The following GRIP1 variants were observed in gnomAD, a reference collection of about 807,000 sequenced individuals.
The protein encoded by GRIP1 is glutamate receptor interacting protein 1.
A neutral mutation model predicts 129.9 loss-of-function variants in GRIP1; 45 were observed. The observed-to-expected ratio is 0.35, with a 90% CI of 0.27 to 0.44. GRIP1 has a LOEUF of 0.44. Ranked by LOEUF, GRIP1 falls within the 20% of genes least tolerant of loss-of-function variation. GRIP1 has a pLI of 1.00. For synonymous variants in GRIP1, 530 were observed against 520.8 expected (o/e 1.02, Z -0.24); for missense variants, 1,196 against 1,396.8 (o/e 0.86, Z 2.29).
chr12:66,820,024 C>T (rs2039290510), intron 1 of GRIP1, among the ~76,000 whole-genome samples: 1 of 152,174 alleles, frequency 6.6e-6, no homozygotes, highest in Admixed American at 6.5e-5. Context: ...CTTTAGTGAG[C>T]TTTACCTCCT....
At chr12:66,451,335 T>A (rs1350774241) in intron 11 of GRIP1, among the ~76,000 whole-genome samples, 3 of 141,450 alleles carry the variant, frequency 2.1e-5, no homozygotes, top group Non-Finnish European at 4.5e-5. Flanking sequence ...GAGAAGCATT[T>A]AAAAAATATA....
intron 1 of GRIP1, among the ~76,000 whole-genome samples, chr12:67,028,136 T>G (rs952159803): frequency 1.3e-5 from 2 of 152,192 alleles, no homozygotes; most frequent in Admixed American, 1.3e-4. Flanking sequence ...TCCTTCAATC[T>G]GGATCCACTG....
chr12:66,539,099 C>G lies in GRIP1; in HGVS notation c.397G>C (p.Glu133Gln). The change falls in exon 4 of 25, where the codon GAG becomes CAG. Residue 133 changes from glutamate to glutamine, a missense_variant. Transcript: ENST00000359742. The part of the protein sequence containing the change: ...NVGERVVLEV[E>Q]YELPPVSVQG... ...TTACAGACCGGTGGAAGCTCGTACT[C>G]TACTTCAAGAACCACTCTTTCTCCC... 1 of 1,614,014 alleles carries G rather than the reference C, an allele frequency of 6.2e-7. No homozygotes were observed. Among genetic ancestry groups the G allele is most frequent in the African/African-American group, 1.3e-5 (1 of 75,026 alleles).
At chr12:66,577,244 G>A (rs7135418) in intron 2 of GRIP1, among the ~76,000 whole-genome samples, 37,244 of 152,076 alleles carry the variant, frequency 0.24, 4,696 homozygotes, top group Admixed American at 0.28. Flanking sequence ...AGAAGAGCCA[G>A]TGGGTAGCGG....
intron 24 of GRIP1, among the ~76,000 whole-genome samples, chr12:66,350,983 T>C (rs2054196840): frequency 6.6e-6 from 1 of 152,210 alleles, no homozygotes. Flanking sequence ...AGAGTAGAGC[T>C]AGCTCTATTT....
At chr12:66,826,799 G>A (rs574894390) in intron 1 of GRIP1, among the ~76,000 whole-genome samples, 11 of 148,490 alleles carry the variant, frequency 7.4e-5, no homozygotes, top group African/African-American at 2.9e-4. Context: ...TGGAGTGAAG[G>A]CAGGAAGAAT....
At chr12:66,356,785 G>T (rs2054509975) in intron 23 of GRIP1, among the ~76,000 whole-genome samples, 1 of 152,092 alleles carries the variant, frequency 6.6e-6, no homozygotes, top group Non-Finnish European at 1.5e-5. Context: ...TTAATTCACT[G>T]GCAACAGCAA....
At chr12:66,692,237 G>A (rs1411772024) in intron 1 of GRIP1, among the ~76,000 whole-genome samples, 1 of 152,192 alleles carries the variant, frequency 6.6e-6, no homozygotes, top group Non-Finnish European at 1.5e-5. Context: ...TGCAGCTGCA[G>A]ATTAAAGTCA....
At chr12:66,683,634 A>G (rs1184110181), upstream of GRIP1, among the ~76,000 whole-genome samples, 1 of 152,180 alleles carries the variant, frequency 6.6e-6, no homozygotes, top group African/African-American at 2.4e-5. Context: ...TGTGATATAA[A>G]AGGGTGGGTA....
chr12:66,455,665 T>C (rs1477144646), intron 10 of GRIP1, 101 bp from the exon 11 acceptor site: 7 of 1,063,860 alleles, frequency 6.6e-6, no homozygotes, highest in Non-Finnish European at 1.0e-5. Context: ...ACATGATGCA[T>C]AGCAATGGCT....
intron 7 of GRIP1, among the ~76,000 whole-genome samples, chr12:66,489,260 CA>C (rs1243876181): frequency 6.6e-6 from 1 of 152,080 alleles, no homozygotes; most frequent in Non-Finnish European, 1.5e-5. Context: ...AGCAGCACAC[CA>C]AAAGGCTTAT....
intron 7 of GRIP1, among the ~76,000 whole-genome samples, chr12:66,477,584 C>T (rs1342297703): frequency 1.3e-5 from 2 of 151,952 alleles, no homozygotes; most frequent in Non-Finnish European, 2.9e-5. Flanking sequence ...AATCCTAAGC[C>T]AAAAGAACAA....
At chr12:66,367,802 G>C (rs1057402476) in intron 23 of GRIP1, among the ~76,000 whole-genome samples, 9 of 152,172 alleles carry the variant, frequency 5.9e-5, no homozygotes, top group Non-Finnish European at 1.3e-4. Flanking sequence ...GTGGCCTAAA[G>C]GGACATGAAG....
intron 1 of GRIP1, among the ~76,000 whole-genome samples, chr12:67,067,617 A>C (rs2043652072): frequency 6.6e-6 from 1 of 152,204 alleles, no homozygotes; most frequent in Admixed American, 6.5e-5. Flanking sequence ...TCTAATAAGG[A>C]GGTGCTTAAA....
At position 66,620,791 on chromosome 12, in the gene GRIP1, C is replaced by G. The variant is rs561193188; in HGVS notation, c.56-23864G>C. ...CCTCACCCCCCCAACCCCTCCCCCC[C>G]AGACTTTTAATGGCCAGGGGAGGAG... On this transcript the variant is annotated intron_variant, in intron 1 of 24. Coordinates refer to ENST00000359742, the MANE Select transcript of GRIP1 (RefSeq NM_001366722.1). 9.6e-3 allele frequency among the ~76,000 whole-genome samples: 1,453 copies of G among 152,064 alleles called. 31 individuals carry two copies. Among genetic ancestry groups the G allele is most frequent in the African/African-American group, 0.034 (1,403 of 41,474 alleles).
intron 1 of GRIP1, among the ~76,000 whole-genome samples, chr12:66,792,395 C>G (rs1368672257): frequency 6.6e-6 from 1 of 152,078 alleles, no homozygotes; most frequent in Non-Finnish European, 1.5e-5. Context: ...GAACGCACCA[C>G]TATGACTGGC....
At chr12:66,561,411 G>C (rs2062522870) in intron 2 of GRIP1, among the ~76,000 whole-genome samples, 1 of 151,954 alleles carries the variant, frequency 6.6e-6, no homozygotes, top group East Asian at 1.9e-4. Flanking sequence ...ATTATGCATT[G>C]CATGGCTGTA....
chr12:66,737,199 T>C (rs2036632129), intron 1 of GRIP1, among the ~76,000 whole-genome samples: 1 of 152,212 alleles, frequency 6.6e-6, no homozygotes, highest in African/African-American at 2.4e-5. Flanking sequence ...CAGTTCACTG[T>C]GACTGACTCG....
At chr12:66,410,512 G>A (rs556856612) in intron 15 of GRIP1, among the ~76,000 whole-genome samples, 2 of 151,648 alleles carry the variant, frequency 1.3e-5, no homozygotes, top group African/African-American at 2.4e-5. Context: ...GCATGGTGGT[G>A]TGCAGCTGTA....
Sources: allele counts gnomAD v4.1 joint callset (sites outside exome capture counted in the v4.1 genomes callset), GRCh38; gene constraint gnomAD v4.1.1; transcripts MANE v1.5; gene names NCBI Gene and HGNC (gene_info 2026-07-23, HGNC 2026-07-21).